The following LUZP2 variants were observed in gnomAD, a reference collection of about 807,000 sequenced individuals.
LUZP2 encodes leucine zipper protein 2.
In LUZP2, 52 loss-of-function variants were observed where a neutral mutation model predicts 51.6. That is an observed-to-expected ratio of 1.01 (90% CI 0.81 to 1.27). The LOEUF (loss-of-function observed/expected upper bound fraction) is 1.27. LUZP2 is among the 50% of genes most tolerant of loss of function. LUZP2 has a pLI of 0.00. For synonymous variants in LUZP2, 154 were observed against 137.3 expected, an observed-to-expected ratio of 1.12 and a Z score of -0.85; for missense variants, 436 against 395.4, an observed-to-expected ratio of 1.10 and a Z score of -0.87.
intron 4 of LUZP2, among the ~76,000 whole-genome samples, chr11:24,748,606 C>T (rs548118120): frequency 2.6e-5 from 4 of 152,080 alleles, no homozygotes; most frequent in South Asian, 2.1e-4. Context: ...ACTACTGGCG[C>T]GTGCCACCAC....
intron 10 of LUZP2, among the ~76,000 whole-genome samples, chr11:25,056,068 A>T (rs1461003712): frequency 2.6e-5 from 4 of 152,140 alleles, no homozygotes; most frequent in Non-Finnish European, 5.9e-5. Flanking sequence ...AAATGAAAAA[A>T]CTTAAAATAT....
intron 1 of LUZP2, among the ~76,000 whole-genome samples, chr11:24,600,318 G>A (rs900908434): frequency 5.9e-5 from 9 of 151,990 alleles, no homozygotes; most frequent in Non-Finnish European, 8.8e-5. Flanking sequence ...TGCAAGATGA[G>A]AAACACCAAG....
At chr11:24,934,633 A>G (rs1268531583) in intron 7 of LUZP2, among the ~76,000 whole-genome samples, 1 of 152,224 alleles carries the variant, frequency 6.6e-6, no homozygotes, top group Non-Finnish European at 1.5e-5. Context: ...CATATTACAT[A>G]AGAAAACAAA....
intron 1 of LUZP2, among the ~76,000 whole-genome samples, chr11:24,661,050 G>T (rs4543990): frequency 4.6e-5 from 7 of 151,960 alleles, no homozygotes; most frequent in Middle Eastern, 3.4e-3. Flanking sequence ...AAGCCATATC[G>T]TTATGAAAGA....
rs555176893 is a variant in LUZP2 at position 24,512,507 on chromosome 11, T to A, written c.62+15202T>A. Among the ~76,000 whole-genome samples the A allele has an allele frequency of 1.4e-4, 21 of 152,296 alleles. No homozygotes were observed. The East Asian group carries it at 4.0e-3, about 29-fold the overall frequency. ...AAAAATTGAGAGAACTTCATCATAA[T>A]CATGAAGTTACCTAAGTATGTAAAG... On this transcript the variant is annotated intron_variant, in intron 1 of 11. Transcript: ENST00000336930.
At chr11:24,958,929 T>A (rs1031992324) in intron 7 of LUZP2, among the ~76,000 whole-genome samples, 5 of 152,216 alleles carry the variant, frequency 3.3e-5, no homozygotes, top group Non-Finnish European at 1.5e-5. Flanking sequence ...TTGATTTTTA[T>A]ATAAGGTAGT....
At chr11:24,980,955 C>T (rs1385918653) in intron 8 of LUZP2, among the ~76,000 whole-genome samples, 2 of 151,768 alleles carry the variant, frequency 1.3e-5, no homozygotes, top group Non-Finnish European at 2.9e-5. Context: ...CATTTTAAAA[C>T]AAGTAGGAAA....
chr11:24,989,922 T>C (rs1856289088), intron 9 of LUZP2, among the ~76,000 whole-genome samples: 1 of 152,098 alleles, frequency 6.6e-6, no homozygotes, highest in Non-Finnish European at 1.5e-5. Flanking sequence ...ACAAACTAAA[T>C]TGATTCATTA....
At chr11:24,664,417 C>T (rs768933658) in intron 1 of LUZP2, among the ~76,000 whole-genome samples, 7 of 152,070 alleles carry the variant, frequency 4.6e-5, no homozygotes, top group Non-Finnish European at 8.8e-5. Context: ...AACAAAAACC[C>T]ATTTTCTGGG....
intron 5 of LUZP2, among the ~76,000 whole-genome samples, chr11:24,871,009 T>A (rs1333227462): frequency 6.6e-6 from 1 of 152,090 alleles, no homozygotes; most frequent in Non-Finnish European, 1.5e-5. Flanking sequence ...ACTTTTTTCC[T>A]GGAATTCTCA....
intron 1 of LUZP2, among the ~76,000 whole-genome samples, chr11:24,616,213 G>C (rs768543536): frequency 5.9e-5 from 9 of 151,890 alleles, no homozygotes; most frequent in Admixed American, 6.6e-5. Flanking sequence ...TTATGAAAGA[G>C]AACTTACCAT....
At chr11:24,739,240 G>A (rs527797677) in intron 4 of LUZP2, among the ~76,000 whole-genome samples, 5 of 151,958 alleles carry the variant, frequency 3.3e-5, no homozygotes, top group Admixed American at 1.3e-4. Context: ...GCTTGGGATC[G>A]GATAAATGGG....
intron 9 of LUZP2, among the ~76,000 whole-genome samples, chr11:25,000,048 A>ATCCATTTTACAGAGTGCTGATTGG (rs757117302): frequency 0.39 from 58,206 of 150,724 alleles, 13,550 homozygotes; most frequent in East Asian, 0.68. Flanking sequence ...GCACTGATTG[A>ATCCATTTTACAGAGTGCTGATTGG]TCCATTTTAC....
chr11:25,013,124 A>G (rs1857029862), intron 9 of LUZP2, among the ~76,000 whole-genome samples: 1 of 152,174 alleles, frequency 6.6e-6, no homozygotes, highest in Non-Finnish European at 1.5e-5. Context: ...GCCGGGGACC[A>G]AAAGTCAAAT....
At chr11:24,931,805 G>A (rs1281065498) in intron 7 of LUZP2, among the ~76,000 whole-genome samples, 1 of 152,182 alleles carries the variant, frequency 6.6e-6, no homozygotes, top group African/African-American at 2.4e-5. Flanking sequence ...GGGTGTTACA[G>A]AACCTTGTTT....
chr11:24,889,090 G>A (rs1445938509), intron 5 of LUZP2, among the ~76,000 whole-genome samples: 1 of 152,130 alleles, frequency 6.6e-6, no homozygotes, highest in African/African-American at 2.4e-5. Context: ...GGTATGCAGG[G>A]TCTACCTTCC....
chr11:24,745,046 G>GT (rs1859327069), intron 4 of LUZP2, among the ~76,000 whole-genome samples: 2 of 151,996 alleles, frequency 1.3e-5, no homozygotes, highest in South Asian at 2.1e-4. Context: ...TTGATTTCCA[G>GT]TTTTTTTCCA....
At chr11:24,654,385 A>T (rs1029520230) in intron 1 of LUZP2, among the ~76,000 whole-genome samples, 5 of 151,248 alleles carry the variant, frequency 3.3e-5, no homozygotes, top group South Asian at 2.1e-4. Flanking sequence ...TATTAAACAA[A>T]TTTTTTTTTC....
At chr11:24,928,460 G>GT (rs201363716) in intron 7 of LUZP2, among the ~76,000 whole-genome samples, 1 of 151,970 alleles carries the variant, frequency 6.6e-6, no homozygotes, top group East Asian at 1.9e-4. Context: ...TTTGTCAAAT[G>GT]TTTTTTTCTG....
Sources: gnomAD v4.1 joint callset for allele counts (sites outside exome capture counted in the v4.1 genomes callset) on GRCh38, gnomAD v4.1.1 for gene constraint, MANE v1.5 for transcripts, NCBI Gene and HGNC (gene_info 2026-07-23, HGNC 2026-07-21) for gene names.